CNTN4: variants seen among roughly 807,000 people sequenced by gnomAD.
CNTN4 encodes contactin-4.
In CNTN4, 77 loss-of-function variants were observed where a neutral mutation model predicts 122.5. That is an observed-to-expected ratio of 0.63 (90% CI 0.52 to 0.76). The LOEUF is 0.76. Among genes scored for constraint, CNTN4 ranks in the 30% least tolerant of loss-of-function variants. CNTN4 has a pLI of 0.00. For missense variants in CNTN4, 1,256 were observed against 1,259.1 expected (o/e 1.00, Z 0.04); for synonymous variants, 512 against 447.0 (o/e 1.15, Z -1.83).
At position 2,389,055 on chromosome 3, in the gene CNTN4, G is replaced by A. The variant is rs962564948; in HGVS notation, c.-89+49822G>A. ...GTGTGCCTGTAATCCCAGCTACTCC[G>A]GAGGCTGAGGCAGGAGAATCTCTTG... On this transcript the variant is annotated intron_variant, in intron 3 of 24. Transcript: ENST00000418658. 2.6e-5 allele frequency among the ~76,000 whole-genome samples: 4 copies of A among 151,760 alleles called. 1 individual carries two copies. The highest frequency in any genetic ancestry group is 4.4e-5 in the Non-Finnish European group (3 of 67,960).
intron 2 of CNTN4, among the ~76,000 whole-genome samples, chr3:2,248,866 A>G (rs1007956748): frequency 2.6e-5 from 4 of 152,022 alleles, no homozygotes; most frequent in Non-Finnish European, 5.9e-5. Flanking sequence ...GCTGAATTTT[A>G]AGAAGAGGAT....
intron 13 of CNTN4, among the ~76,000 whole-genome samples, chr3:2,932,193 C>T (rs958261052): frequency 1.2e-4 from 19 of 152,038 alleles, no homozygotes; most frequent in South Asian, 4.2e-4. Context: ...CTGGCTAACA[C>T]GGTGAAACCC....
intron 2 of CNTN4, among the ~76,000 whole-genome samples, chr3:2,162,131 C>T (rs949383894): frequency 1.3e-5 from 2 of 152,136 alleles, no homozygotes; most frequent in African/African-American, 4.8e-5. Context: ...TAAAATACCA[C>T]ATAATTTAGT....
chr3:2,616,372 C>G (rs766454552), intron 4 of CNTN4, among the ~76,000 whole-genome samples: 18 of 152,100 alleles, frequency 1.2e-4, no homozygotes, highest in Non-Finnish European at 2.5e-4. Context: ...TTTTTCCAGT[C>G]TATCATTGTT....
intron 3 of CNTN4, among the ~76,000 whole-genome samples, chr3:2,512,508 T>C (rs550475534): frequency 6.6e-6 from 1 of 152,374 alleles, no homozygotes; most frequent in Non-Finnish European, 1.5e-5. Flanking sequence ...GTTTGCATGA[T>C]GTCTTTCACA....
At chr3:2,829,127 A>C (rs1455786447) in intron 7 of CNTN4, among the ~76,000 whole-genome samples, 2 of 152,192 alleles carry the variant, frequency 1.3e-5, no homozygotes, top group East Asian at 3.9e-4. Flanking sequence ...TTTATTTGAA[A>C]TGTAATCAGC....
In CNTN4 at chr3:2,294,288, C is replaced by CTTTTTTTTTTTTTTTTTTT. The variant is rs71058604; in HGVS notation, c.-144-44875_-144-44874insTTTTTTTTTTTTTTTTTTT. ...CAAAGGAAAGGCAGAAGAGTTGTGA[C>CTTTTTTTTTTTTTTTTTTT]TTTTTTTTTTTTTTTACTGAATACC... On this transcript the variant is annotated intron_variant, in intron 2 of 24. Coordinates refer to ENST00000418658, the MANE Select transcript of CNTN4 (RefSeq NM_175607.3). 6.7e-3 allele frequency among the ~76,000 whole-genome samples: 902 copies of CTTTTTTTTTTTTTTTTTTT among 135,422 alleles called. 33 individuals carry two copies. The highest frequency in any genetic ancestry group is 0.011 in the Non-Finnish European group (685 of 62,404). 88.8% of individuals were successfully genotyped at this position (135,422 alleles called of 152,430 possible). A position where few individuals can be genotyped will look rare whatever the true frequency, so the allele number is the denominator to read the frequency against.
At chr3:2,619,459 G>A (rs1414957763) in intron 4 of CNTN4, among the ~76,000 whole-genome samples, 3 of 152,160 alleles carry the variant, frequency 2.0e-5, no homozygotes, top group Admixed American at 2.0e-4. Context: ...ATCCATCTAT[G>A]GGGAAAATAT....
At chr3:2,933,235 A>C (rs571590901) in intron 13 of CNTN4, among the ~76,000 whole-genome samples, 1 of 152,288 alleles carries the variant, frequency 6.6e-6, no homozygotes, top group East Asian at 1.9e-4. Flanking sequence ...GGGTCAGCCA[A>C]GGGATAATTT....
chr3:2,696,517 C>T (rs2086043229), intron 4 of CNTN4, among the ~76,000 whole-genome samples: 2 of 152,212 alleles, frequency 1.3e-5, no homozygotes, highest in African/African-American at 4.8e-5. Context: ...AGCCTCAAGG[C>T]ACCATCTTGG....
intron 12 of CNTN4, among the ~76,000 whole-genome samples, chr3:2,922,870 C>T (rs193279845): frequency 3.9e-4 from 60 of 152,268 alleles, no homozygotes; most frequent in African/African-American, 1.3e-3. Flanking sequence ...CTCAGCCTCC[C>T]AAAGTGCTGG....
chr3:3,051,192 C>G (rs1221474835), intron 23 of CNTN4, among the ~76,000 whole-genome samples: 1 of 152,192 alleles, frequency 6.6e-6, no homozygotes, highest in Non-Finnish European at 1.5e-5. Context: ...ACACAGTGTT[C>G]AGACATTAAA....
At chr3:2,614,623 C>A (rs2149857001) in intron 4 of CNTN4, among the ~76,000 whole-genome samples, 1 of 152,280 alleles carries the variant, frequency 6.6e-6, no homozygotes, top group Non-Finnish European at 1.5e-5. Context: ...AACTTTCAAA[C>A]TTCTGGCTTG....
intron 2 of CNTN4, among the ~76,000 whole-genome samples, chr3:2,280,081 C>T (rs958923195): frequency 1.3e-5 from 2 of 151,260 alleles, no homozygotes; most frequent in East Asian, 3.9e-4. Context: ...TCTTGAACAT[C>T]AGATATATGT....
At chr3:2,332,560 T>C (rs1236980016) in intron 2 of CNTN4, among the ~76,000 whole-genome samples, 6 of 151,490 alleles carry the variant, frequency 4.0e-5, no homozygotes, top group African/African-American at 9.7e-5. Flanking sequence ...GTGAGAAGAG[T>C]TTTCTTGCTG....
intron 4 of CNTN4, among the ~76,000 whole-genome samples, chr3:2,663,622 T>G (rs2150312925): frequency 6.6e-6 from 1 of 152,200 alleles, no homozygotes; most frequent in African/African-American, 2.4e-5. Context: ...TGCAGAGAGC[T>G]TAGAACAAAA....
chr3:2,238,407 A>G (rs561508530), intron 2 of CNTN4, among the ~76,000 whole-genome samples: 4 of 152,154 alleles, frequency 2.6e-5, no homozygotes, highest in African/African-American at 9.6e-5. Flanking sequence ...TCCAAAATTT[A>G]TTTGCCAATA....
chr3:2,183,279 T>C (rs942234730), intron 2 of CNTN4, among the ~76,000 whole-genome samples: 1 of 152,156 alleles, frequency 6.6e-6, no homozygotes, highest in African/African-American at 2.4e-5. Context: ...CACTGAGATA[T>C]CCAGTGGGTT....
chr3:3,026,635 C>G (rs991413280), intron 15 of CNTN4, among the ~76,000 whole-genome samples: 19 of 152,086 alleles, frequency 1.2e-4, no homozygotes, highest in African/African-American at 3.6e-4. Flanking sequence ...ATCATATATC[C>G]TAGAATCTGA....
Sources: gnomAD v4.1 joint callset for allele counts (sites outside exome capture counted in the v4.1 genomes callset) on GRCh38, gnomAD v4.1.1 for gene constraint, MANE v1.5 for transcripts, NCBI Gene and HGNC (gene_info 2026-07-23, HGNC 2026-07-21) for gene names.